Variants in DOK5 observed in about 807,000 individuals in gnomAD.
The protein encoded by DOK5 is downstream of tyrosine kinase 5.
In DOK5, 27 loss-of-function variants were observed where a neutral mutation model predicts 43.3. That is an observed-to-expected ratio of 0.62 (90% CI 0.46 to 0.86). The LOEUF is 0.86. Among genes scored for constraint, DOK5 ranks in the 40% least tolerant of loss-of-function variants. The pLI is 0.00. For synonymous variants in DOK5, 146 were observed against 140.1 expected, an observed-to-expected ratio of 1.04 and a Z score of -0.30; for missense variants, 373 against 392.9, an observed-to-expected ratio of 0.95 and a Z score of 0.43.
intron 5 of DOK5, among the ~76,000 whole-genome samples, chr20:54,604,467 G>A (rs1191038965): frequency 1.3e-5 from 2 of 151,528 alleles, no homozygotes; most frequent in African/African-American, 4.9e-5. Context: ...TATGGCTCAT[G>A]CAACCATGAT....
At chr20:54,507,397 CTA>C (rs1982849263) in intron 1 of DOK5, among the ~76,000 whole-genome samples, 1 of 152,166 alleles carries the variant, frequency 6.6e-6, no homozygotes, top group Admixed American at 6.5e-5. Flanking sequence ...AACTTTAATG[CTA>C]TATTTTATTT....
chr20:54,502,082 C>A (rs902383899), intron 1 of DOK5, among the ~76,000 whole-genome samples: 2 of 152,196 alleles, frequency 1.3e-5, no homozygotes, highest in African/African-American at 4.8e-5. Context: ...TCATTTGAGT[C>A]AGTTCTGTAC....
At position 54,517,387 on chromosome 20, in the gene DOK5, T is replaced by C. The variant is rs137977313; in HGVS notation, c.67-37546T>C. On this transcript the variant is annotated intron_variant, in intron 1 of 7. Coordinates refer to ENST00000262593, the MANE Select transcript of DOK5 (RefSeq NM_018431.5). Reference sequence around the variant, plus strand: ...ATGATGTAGGCAACATGGGATAAAATTGTAGCCTAACCACTGTGTATGCTG... The same window carrying C: ...ATGATGTAGGCAACATGGGATAAAACTGTAGCCTAACCACTGTGTATGCTG... 3.3e-3 allele frequency among the ~76,000 whole-genome samples: 503 copies of C among 152,244 alleles called. 3 individuals carry two copies. Among genetic ancestry groups the C allele is most frequent in the African/African-American group, 0.011 (476 of 41,540 alleles).
intron 1 of DOK5, among the ~76,000 whole-genome samples, chr20:54,488,037 C>A (rs1041350937): frequency 6.6e-6 from 1 of 152,164 alleles, no homozygotes; most frequent in African/African-American, 2.4e-5. Context: ...AATCATACTT[C>A]TTTGAATCCC....
At chr20:54,581,825 T>C (rs985797816) in intron 2 of DOK5, among the ~76,000 whole-genome samples, 7 of 152,008 alleles carry the variant, frequency 4.6e-5, no homozygotes, top group Non-Finnish European at 8.8e-5. Context: ...TATAAAATTA[T>C]GTCATCAACA....
intron 5 of DOK5, among the ~76,000 whole-genome samples, chr20:54,606,593 T>C (rs1435441787): frequency 6.6e-6 from 1 of 152,220 alleles, no homozygotes; most frequent in African/African-American, 2.4e-5. Flanking sequence ...TTTTGGTTTG[T>C]TTGTTTTCTT....
intron 1 of DOK5, among the ~76,000 whole-genome samples, chr20:54,506,886 G>A (rs1453965502): frequency 6.7e-6 from 1 of 150,072 alleles, no homozygotes; most frequent in Non-Finnish European, 1.5e-5. Flanking sequence ...CTGCTCTGAA[G>A]CAGTGCAGCT....
At chr20:54,576,953 C>CAT (rs1327541498) in intron 2 of DOK5, among the ~76,000 whole-genome samples, 15 of 152,206 alleles carry the variant, frequency 9.9e-5, no homozygotes, top group African/African-American at 3.6e-4. Flanking sequence ...TATTCTTTAA[C>CAT]ATATTTGTCT....
intron 1 of DOK5, among the ~76,000 whole-genome samples, chr20:54,516,256 C>T (rs1472129649): frequency 2.0e-5 from 3 of 151,940 alleles, no homozygotes; most frequent in East Asian, 1.9e-4. Flanking sequence ...TATTTAATTA[C>T]AGTAAGAAAA....
intron 2 of DOK5, among the ~76,000 whole-genome samples, chr20:54,580,826 T>C (rs1985615430): frequency 6.6e-6 from 1 of 152,172 alleles, no homozygotes; most frequent in Admixed American, 6.5e-5. Flanking sequence ...ATGCTATAGG[T>C]TGCCTTTTCA....
In DOK5 at chr20:54,508,474, G is replaced by A. The variant is rs186296942; in HGVS notation, c.66+32462G>A. ...GGCAGGAGCTTATATCTGGAGGGTG[G>A]AAATAAGGAAGTGGGTAAGGTGATG... On this transcript the variant is annotated intron_variant, in intron 1 of 7. Transcript: ENST00000262593. 2.7e-3 allele frequency among the ~76,000 whole-genome samples: 410 copies of A among 151,076 alleles called. 3 individuals are homozygous for A. The highest frequency in any genetic ancestry group is 9.5e-3 in the African/African-American group (389 of 41,028).
At chr20:54,620,838 A>G (rs1165127971) in intron 6 of DOK5, among the ~76,000 whole-genome samples, 2 of 152,144 alleles carry the variant, frequency 1.3e-5, no homozygotes, top group Admixed American at 6.6e-5. Context: ...ACTAGATAGT[A>G]TACGAGGTGC....
chr20:54,546,495 C>T (rs1984351529), intron 1 of DOK5, among the ~76,000 whole-genome samples: 1 of 151,900 alleles, frequency 6.6e-6, no homozygotes, highest in Non-Finnish European at 1.5e-5. Context: ...GTGTGCTGCA[C>T]CCATTAACTC....
intron 1 of DOK5, among the ~76,000 whole-genome samples, chr20:54,502,470 T>C (rs1210889374): frequency 1.3e-5 from 2 of 152,164 alleles, no homozygotes; most frequent in African/African-American, 2.4e-5. Flanking sequence ...TGGCTCGAAA[T>C]TCAAGAATTA....
chr20:54,548,161 T>C (rs1984407504), intron 1 of DOK5, among the ~76,000 whole-genome samples: 1 of 152,210 alleles, frequency 6.6e-6, no homozygotes, highest in Non-Finnish European at 1.5e-5. Context: ...GGAGGTGAGC[T>C]ATTTCAACAT....
chr20:54,544,136 C>T (rs1984259612), intron 1 of DOK5, among the ~76,000 whole-genome samples: 1 of 152,146 alleles, frequency 6.6e-6, no homozygotes, highest in African/African-American at 2.4e-5. Flanking sequence ...TTAACTAACC[C>T]ATTTTTGCTG....
chr20:54,634,242 C>T (rs1336247248), intron 6 of DOK5, among the ~76,000 whole-genome samples: 4 of 151,758 alleles, frequency 2.6e-5, no homozygotes, highest in East Asian at 2.0e-4. Flanking sequence ...TGGCAATCAG[C>T]CCTTCACTCA....
chr20:54,486,852 G>A (rs1324598712), intron 1 of DOK5, among the ~76,000 whole-genome samples: 2 of 152,142 alleles, frequency 1.3e-5, no homozygotes, highest in East Asian at 1.9e-4. Flanking sequence ...TTATTGGTAA[G>A]AGGTTGAAAT....
chr20:54,571,500 G>T (rs1211982793), intron 2 of DOK5, among the ~76,000 whole-genome samples: 2 of 152,146 alleles, frequency 1.3e-5, no homozygotes, highest in Non-Finnish European at 2.9e-5. Flanking sequence ...TTGACATTTT[G>T]GTTGTGAGAG....
Sources: allele counts gnomAD v4.1 joint callset (sites outside exome capture counted in the v4.1 genomes callset), GRCh38; gene constraint gnomAD v4.1.1; transcripts MANE v1.5; gene names NCBI Gene and HGNC (gene_info 2026-07-23, HGNC 2026-07-21).